VIT: variants seen among roughly 807,000 people sequenced by gnomAD.
VIT encodes the protein vitrin.
Under a neutral mutation model 78.0 loss-of-function variants are expected in VIT, and 99 were observed. That is an observed-to-expected ratio of 1.27 (90% CI 1.08 to 1.50). VIT has a LOEUF of 1.50. VIT is among the 40% of genes most tolerant of loss of function. VIT has a pLI of 0.00. For missense variants in VIT, 1,126 were observed against 875.3 expected (o/e 1.29, Z -3.61); for synonymous variants, 374 against 334.3 (o/e 1.12, Z -1.29).
At chr2:36,723,920 T>C (rs1462382962) in intron 2 of VIT, among the ~76,000 whole-genome samples, 1 of 129,534 alleles carries the variant, frequency 7.7e-6, no homozygotes, top group African/African-American at 3.0e-5. Flanking sequence ...CACTGCATTC[T>C]AGCCTGGGCA....
rs372368369 is a variant in VIT, at chr2:36,805,654, T to A, written c.1379T>A (p.Phe460Tyr). The A allele has an allele frequency of 2.7e-5, 43 of 1,613,342 alleles. No individual in the cohort carries two copies. The African/African-American group carries it at 5.3e-4, about 20-fold the overall frequency. The change falls in exon 14 of 16, where the codon TTT (phenylalanine) becomes TAT (tyrosine). Residue 460 changes from phenylalanine (F) to tyrosine (Y), a missense_variant. Phe to Tyr is a conservative substitution (Grantham distance 22). Transcript: ENST00000379242. ...AAGCAGTATGTGGTGGAGCCCAACT[T>A]TGCAAACAAGGTAGATGACTGCCCG... is the stretch of plus-strand genomic sequence containing the variant. ...NEKQYVVEPN[F>Y]ANKAVCRTNG...
chr2:36,749,528 C>G (rs1036515070), intron 4 of VIT, among the ~76,000 whole-genome samples: 1 of 152,202 alleles, frequency 6.6e-6, no homozygotes, highest in Non-Finnish European at 1.5e-5. Flanking sequence ...CCTTCTTTAT[C>G]TTATTTAATC....
At chr2:36,765,672 G>T (rs570634980) in intron 6 of VIT, among the ~76,000 whole-genome samples, 1 of 152,224 alleles carries the variant, frequency 6.6e-6, no homozygotes, top group Non-Finnish European at 1.5e-5. Flanking sequence ...AACTGAAGAT[G>T]CTGGCCTTGA....
At chr2:36,808,359 G>A in intron 14 of VIT, 113 bp from the exon 15 acceptor site, 1 of 1,386,478 alleles carries the variant, frequency 7.2e-7, no homozygotes, top group Non-Finnish European at 9.6e-7. Flanking sequence ...GAGGGCTAGT[G>A]CAGAAAACAA....
chr2:36,730,699 A>G (rs368079332), intron 3 of VIT, among the ~76,000 whole-genome samples: 2 of 152,330 alleles, frequency 1.3e-5, no homozygotes, highest in East Asian at 1.9e-4. Flanking sequence ...ACCATGCCCA[A>G]GAAGAATGAG....
At chr2:36,781,054 C>T (rs1308994987) in intron 9 of VIT, among the ~76,000 whole-genome samples, 2 of 152,068 alleles carry the variant, frequency 1.3e-5, no homozygotes, top group African/African-American at 2.4e-5. Context: ...CATTAAACAT[C>T]TTACTGCATA....
At chr2:36,774,494 C>T in intron 8 of VIT, 1 of 985,378 alleles carries the variant, frequency 1.0e-6, no homozygotes, top group Non-Finnish European at 1.2e-6. Context: ...TATACCATTC[C>T]CTCTGAAGCC....
chr2:36,790,105 A>T (rs1218147452), intron 12 of VIT, among the ~76,000 whole-genome samples: 1 of 152,246 alleles, frequency 6.6e-6, no homozygotes, highest in African/African-American at 2.4e-5. Flanking sequence ...AAAAAGGCAA[A>T]GAAAAATATA....
rs1429832214 is a variant in VIT, at chr2:36,814,174, T to C, written c.1904-9T>C. 4.3e-6 allele frequency: 7 copies of C among 1,610,840 alleles called. No homozygotes were observed. The African/African-American group carries it at 5.3e-5, about 12-fold the overall frequency. On this transcript the variant is annotated splice_polypyrimidine_tract_variant and intron_variant, in intron 15 of 15. Transcript: ENST00000379242. ...GGGACATTTGTTCATCTAACCTTTG[T>C]CCCCACAGGAGTGATCACCTATGCG...
intron 12 of VIT, among the ~76,000 whole-genome samples, chr2:36,789,748 C>T (rs1461264898): frequency 6.6e-6 from 1 of 152,206 alleles, no homozygotes; most frequent in African/African-American, 2.4e-5. Flanking sequence ...CATCCCTGCA[C>T]TCTTGGAATC....
chr2:36,773,855 C>CT lies in VIT; in HGVS notation c.736+10dup. The CT allele has an allele frequency of 6.3e-7, 1 of 1,585,994 alleles. No individual in the cohort carries two copies. The highest frequency in any genetic ancestry group is 8.6e-7 in the Non-Finnish European group (1 of 1,164,436). On this transcript the variant is annotated intron_variant, in intron 8 of 15. Coordinates refer to ENST00000379242, the MANE Select transcript of VIT (RefSeq NM_053276.4). ...GGCCCAGAGCTGATCCAGGTAAGAC[C>CT]TTAAACTCCCTTTCCAGCCACTGAT...
chr2:36,700,349 A>G (rs975543091), intron 1 of VIT, among the ~76,000 whole-genome samples: 9 of 152,094 alleles, frequency 5.9e-5, no homozygotes, highest in African/African-American at 1.9e-4. Context: ...TGGCCCTCAA[A>G]CACACATAGC....
chr2:36,750,569 TC>T (rs1668395707), intron 4 of VIT, among the ~76,000 whole-genome samples: 1 of 152,116 alleles, frequency 6.6e-6, no homozygotes, highest in South Asian at 2.1e-4. Flanking sequence ...ACACCTGTAA[TC>T]CCAGCACTTT....
chr2:36,736,003 A>C (rs962604160), intron 3 of VIT, among the ~76,000 whole-genome samples: 3 of 152,252 alleles, frequency 2.0e-5, no homozygotes, highest in Non-Finnish European at 2.9e-5. Context: ...CGGACTGTTT[A>C]ATCCAAGGTA....
In VIT at chr2:36,801,391, A is replaced by T. The variant is rs1389489114; in HGVS notation, c.1149A>T (p.Gly383=). ...TAGAGAAAATTACTCAGAGAGGAGGACTTTCTAATGTAGGTATGTGATCCG... is the reference window on the plus strand; with the variant it reads ...TAGAGAAAATTACTCAGAGAGGAGGTCTTTCTAATGTAGGTATGTGATCCG... The part of the protein sequence containing the change: ...TAIEKITQRG[G]LSNVGRAISF... Residue 383 remains glycine, a synonymous_variant, in exon 13 of 16, where the codon GGA becomes GGT. Coordinates refer to ENST00000379242, the MANE Select transcript of VIT (RefSeq NM_053276.4). The T allele has an allele frequency of 2.5e-6, 4 of 1,612,120 alleles. No individual in the cohort carries two copies. The African/African-American group carries it at 5.3e-5, about 22-fold the overall frequency.
At position 36,712,104 on chromosome 2, in the gene VIT, G is replaced by A. The variant is rs531138431; in HGVS notation, c.-18-4249G>A. 4.6e-5 allele frequency among the ~76,000 whole-genome samples: 7 copies of A among 152,258 alleles called. No homozygotes were observed. In the East Asian group the frequency reaches 1.2e-3, roughly 25 times the overall value. On this transcript the variant is annotated intron_variant, in intron 1 of 15. Coordinates refer to ENST00000379242, the MANE Select transcript of VIT (RefSeq NM_053276.4). ...GCAGAAACTGCTTAATGGTGCTGGT[G>A]GCAGTCCTCATGCTCAGCCTTGGCA... is the stretch of plus-strand genomic sequence containing the variant.
At chr2:36,737,554 C>A (rs1420539927) in intron 3 of VIT, among the ~76,000 whole-genome samples, 9 of 152,178 alleles carry the variant, frequency 5.9e-5, no homozygotes, top group Non-Finnish European at 8.8e-5. Flanking sequence ...ACATGTAGTT[C>A]ACATAGTTCT....
intron 14 of VIT, among the ~76,000 whole-genome samples, chr2:36,806,788 C>T (rs575996633): frequency 5.3e-5 from 8 of 152,134 alleles, no homozygotes; most frequent in Non-Finnish European, 1.0e-4. Flanking sequence ...TGGTCTCGAT[C>T]TCCTGACCTC....
intron 1 of VIT, among the ~76,000 whole-genome samples, chr2:36,699,573 A>G (rs1053144761): frequency 4.4e-5 from 6 of 135,958 alleles, no homozygotes; most frequent in Non-Finnish European, 6.2e-5. Context: ...TCAGAAGATG[A>G]TTAGAGGAGA....
Sources: allele counts gnomAD v4.1 joint callset (sites outside exome capture counted in the v4.1 genomes callset), GRCh38; gene constraint gnomAD v4.1.1; transcripts MANE v1.5; gene names NCBI Gene and HGNC (gene_info 2026-07-23, HGNC 2026-07-21).